The following ZFPM2 variants were observed in gnomAD, a reference collection of about 807,000 sequenced individuals.
ZFPM2 encodes the protein zinc finger protein, FOG family member 2.
ZFPM2 carries 20 observed loss-of-function variants against 98.6 expected under a neutral mutation model. The observed-to-expected ratio is 0.20, with a 90% CI of 0.14 to 0.29. The LOEUF is 0.29. Ranked by LOEUF, ZFPM2 falls within the 10% of genes least tolerant of loss-of-function variation. The probability of loss-of-function intolerance (pLI) is 1.00; values close to 1 mark genes in which losing one functional copy is unlikely to be tolerated. For synonymous variants in ZFPM2, 518 were observed against 502.7 expected (o/e 1.03, Z -0.41); for missense variants, 1,310 against 1,388.6 (o/e 0.94, Z 0.90).
chr8:105,529,147 G>T (rs1008828825), intron 3 of ZFPM2, among the ~76,000 whole-genome samples: 1 of 152,108 alleles, frequency 6.6e-6, no homozygotes, highest in African/African-American at 2.4e-5. Flanking sequence ...AGATGGCCAT[G>T]TTCTTCTGAT....
At chr8:105,395,356 T>C (rs1032550030) in intron 1 of ZFPM2, among the ~76,000 whole-genome samples, 4 of 152,238 alleles carry the variant, frequency 2.6e-5, no homozygotes, top group African/African-American at 9.6e-5. Flanking sequence ...GAAACCTTTT[T>C]CTTATATTCT....
chr8:105,793,874 C>T (rs1169142233), intron 6 of ZFPM2, among the ~76,000 whole-genome samples: 1 of 151,430 alleles, frequency 6.6e-6, no homozygotes, highest in Non-Finnish European at 1.5e-5. Context: ...CACATCGGCT[C>T]CTGAGGCTTC....
At chr8:105,780,549 T>C (rs946518041) in intron 5 of ZFPM2, 5 of 152,250 alleles carry the variant, frequency 3.3e-5, no homozygotes, top group Admixed American at 3.3e-4. Context: ...TCACTCATCA[T>C]TCCTATATTC....
At chr8:105,414,117 G>A (rs1811632484) in intron 1 of ZFPM2, among the ~76,000 whole-genome samples, 1 of 151,982 alleles carries the variant, frequency 6.6e-6, no homozygotes, top group Non-Finnish European at 1.5e-5. Context: ...TGCATGAAGA[G>A]GAGATTGAAT....
At chr8:105,454,321 G>A (rs916003972) in intron 3 of ZFPM2, among the ~76,000 whole-genome samples, 2 of 152,186 alleles carry the variant, frequency 1.3e-5, no homozygotes, top group Non-Finnish European at 2.9e-5. Flanking sequence ...TAAATTGGTT[G>A]TTAATCTAGA....
At chr8:105,496,299 A>G (rs1314167298) in intron 3 of ZFPM2, among the ~76,000 whole-genome samples, 1 of 152,108 alleles carries the variant, frequency 6.6e-6, no homozygotes, top group African/African-American at 2.4e-5. Context: ...GGCCTGAACC[A>G]CCACGCCCAG....
chr8:105,426,300 T>TCC (rs1412103928), intron 2 of ZFPM2, among the ~76,000 whole-genome samples: 5 of 152,192 alleles, frequency 3.3e-5, no homozygotes, highest in Non-Finnish European at 5.9e-5. Flanking sequence ...CAATATGACT[T>TCC]TGTTTTTTAC....
chr8:105,636,867 A>G (rs1439159845), intron 5 of ZFPM2, among the ~76,000 whole-genome samples: 3 of 152,196 alleles, frequency 2.0e-5, no homozygotes, highest in Non-Finnish European at 4.4e-5. Context: ...AACTGTAATA[A>G]CTACTGCGTA....
intron 2 of ZFPM2, among the ~76,000 whole-genome samples, chr8:105,430,384 T>C (rs1586366366): frequency 6.6e-6 from 1 of 152,322 alleles, no homozygotes; most frequent in East Asian, 1.9e-4. Flanking sequence ...AACTTCCTAA[T>C]TTGTTGGAAA....
intron 5 of ZFPM2, among the ~76,000 whole-genome samples, chr8:105,707,252 AAAAG>A (rs1482767742): frequency 6.8e-6 from 1 of 147,176 alleles, no homozygotes; most frequent in Non-Finnish European, 1.5e-5. Context: ...AAAAAAAAAA[AAAAG>A]AAAAAGAAAA....
At position 105,803,861 on chromosome 8, in the gene ZFPM2, T is replaced by C. The variant is rs1814124805; in HGVS notation, c.*323T>C. 1 of 201,010 alleles carries C rather than the reference T, an allele frequency of 5.0e-6. No individual in the cohort carries two copies. The highest frequency in any genetic ancestry group is 1.0e-5 in the Non-Finnish European group (1 of 98,794). The allele number at this position is 201,010 out of a possible 1,614,324, so 12.5% of individuals were successfully genotyped here. A position where few individuals can be genotyped will look rare whatever the true frequency, so the allele number is the denominator to read the frequency against. ...AGCACATATGGTTTGCACTGTATAG[T>C]AGCTTTTAAAGAAAATAGTCACAAT... On this transcript the variant is annotated 3_prime_UTR_variant, in exon 8 of 8. Coordinates refer to ENST00000407775, the MANE Select transcript of ZFPM2 (RefSeq NM_012082.4).
chr8:105,693,060 C>T (rs1810926689), intron 5 of ZFPM2, among the ~76,000 whole-genome samples: 1 of 152,180 alleles, frequency 6.6e-6, no homozygotes, highest in Non-Finnish European at 1.5e-5. Context: ...AGAGCCTAAG[C>T]TACGGTCGCA....
chr8:105,396,852 A>G (rs1269652430), intron 1 of ZFPM2, among the ~76,000 whole-genome samples: 1 of 152,152 alleles, frequency 6.6e-6, no homozygotes, highest in African/African-American at 2.4e-5. Flanking sequence ...TGTTCATATG[A>G]TATAAAAAAG....
At chr8:105,403,715 A>G (rs1811384419) in intron 1 of ZFPM2, among the ~76,000 whole-genome samples, 1 of 151,958 alleles carries the variant, frequency 6.6e-6, no homozygotes, top group Admixed American at 6.6e-5. Flanking sequence ...GCAGAGGATT[A>G]ATGGACTTTA....
chr8:105,710,693 G>GTGTGTGTA (rs1208067520), intron 5 of ZFPM2, among the ~76,000 whole-genome samples: 5 of 148,426 alleles, frequency 3.4e-5, no homozygotes, highest in Admixed American at 2.0e-4. Context: ...GTGTGTGTGT[G>GTGTGTGTA]TGTGTGTGTA....
At chr8:105,500,858 T>C (rs1217036224) in intron 3 of ZFPM2, among the ~76,000 whole-genome samples, 1 of 152,122 alleles carries the variant, frequency 6.6e-6, no homozygotes, top group Non-Finnish European at 1.5e-5. Context: ...CTAAGGCAAA[T>C]ATGTAGATGT....
Position 105,577,773 on chromosome 8 carries a change from AC to A in ZFPM2, c.420+16294del, listed in dbSNP as rs201673024. Among the ~76,000 whole-genome samples, 509 of 146,576 alleles carry A rather than the reference AC, an allele frequency of 3.5e-3. 1 individual carries two copies. The highest frequency in any genetic ancestry group is 0.012 in the African/African-American group (469 of 40,698). ...TTAAAGTGGCAAATATGGTGAGGAA[AC>A]CAAAAAAAAAAAAAAGTGAGAAATG... On this transcript the variant is annotated intron_variant, in intron 4 of 7. Transcript: ENST00000407775.
At chr8:105,601,479 G>T (rs183227647) in intron 4 of ZFPM2, among the ~76,000 whole-genome samples, 220 of 152,144 alleles carry the variant, frequency 1.4e-3, no homozygotes, top group Admixed American at 2.4e-3. Flanking sequence ...TACTCCCTCT[G>T]CTCTGTTCTT....
chr8:105,671,633 G>A (rs1168393080), intron 5 of ZFPM2, among the ~76,000 whole-genome samples: 3 of 151,758 alleles, frequency 2.0e-5, no homozygotes, highest in Non-Finnish European at 2.9e-5. Context: ...CATTCATTTG[G>A]ACATTAAATA....
Sources: gnomAD v4.1 joint callset for allele counts (sites outside exome capture counted in the v4.1 genomes callset) on GRCh38, gnomAD v4.1.1 for gene constraint, MANE v1.5 for transcripts, NCBI Gene and HGNC (gene_info 2026-07-23, HGNC 2026-07-21) for gene names.